ADAMTS17: variants seen among roughly 807,000 people sequenced by gnomAD.
ADAMTS17 encodes A disintegrin and metalloproteinase with thrombospondin motifs 17.
Under a neutral mutation model 141.5 loss-of-function variants are expected in ADAMTS17, and 113 were observed. That is an observed-to-expected ratio of 0.80 (90% CI 0.69 to 0.93). The LOEUF is 0.93. Among genes scored for constraint, ADAMTS17 ranks in the 40% least tolerant of loss-of-function variants. ADAMTS17 has a pLI of 0.00. For synonymous variants in ADAMTS17, 768 were observed against 630.6 expected (o/e 1.22, Z -3.27); for missense variants, 1,659 against 1,517.9 (o/e 1.09, Z -1.54).
intron 15 of ADAMTS17, among the ~76,000 whole-genome samples, chr15:100,079,660 C>A (rs765669098): frequency 3.9e-5 from 6 of 152,134 alleles, no homozygotes; most frequent in Non-Finnish European, 7.4e-5. Context: ...TTATATTGTA[C>A]CTTTTCCATC....
chr15:100,281,453 A>C, intron 3 of ADAMTS17, 52 bp from the exon 4 acceptor site: 1 of 1,577,408 alleles, frequency 6.3e-7, no homozygotes, highest in Non-Finnish European at 8.6e-7. Context: ...GACTTCCAAA[A>C]CCATGCAGTG....
At chr15:100,116,594 C>A (rs917046680) in intron 13 of ADAMTS17, among the ~76,000 whole-genome samples, 1 of 152,240 alleles carries the variant, frequency 6.6e-6, no homozygotes, top group South Asian at 2.1e-4. Flanking sequence ...CTCCTCGCTA[C>A]AAATGGGGTT....
At chr15:100,277,528 T>TA (rs1283897713) in intron 4 of ADAMTS17, among the ~76,000 whole-genome samples, 1 of 151,982 alleles carries the variant, frequency 6.6e-6, no homozygotes, top group African/African-American at 2.4e-5. Context: ...CCTGGATAAT[T>TA]AAAAAAAGAG....
intron 7 of ADAMTS17, among the ~76,000 whole-genome samples, chr15:100,220,371 C>CCT (rs35823097): frequency 0.22 from 33,411 of 152,032 alleles, 3,980 homozygotes; most frequent in South Asian, 0.35. Flanking sequence ...CACCTTTCTT[C>CCT]TTTCCCCCGA....
intron 8 of ADAMTS17, among the ~76,000 whole-genome samples, chr15:100,194,837 G>C (rs970751672): frequency 3.3e-5 from 5 of 152,154 alleles, no homozygotes; most frequent in Non-Finnish European, 7.3e-5. Context: ...CCATTCCATG[G>C]TTCCTGTCTT....
At chr15:100,238,620 G>C (rs1487353479) in intron 7 of ADAMTS17, among the ~76,000 whole-genome samples, 1 of 152,224 alleles carries the variant, frequency 6.6e-6, no homozygotes, top group Non-Finnish European at 1.5e-5. Context: ...AATGGGCACA[G>C]GTCTGGCAGA....
intron 20 of ADAMTS17, among the ~76,000 whole-genome samples, chr15:99,988,651 A>G (rs1596164990): frequency 6.6e-6 from 1 of 152,078 alleles, no homozygotes; most frequent in Non-Finnish European, 1.5e-5. Flanking sequence ...TGACTCCAAT[A>G]CCTCACTCTT....
chr15:100,197,920 AG>A (rs751687397), intron 8 of ADAMTS17, among the ~76,000 whole-genome samples: 7 of 152,228 alleles, frequency 4.6e-5, no homozygotes, highest in Non-Finnish European at 5.9e-5. Context: ...AAACTAACCC[AG>A]GAACAGAAAA....
chr15:100,074,211 T>C (rs987701666), intron 15 of ADAMTS17: 19 of 152,742 alleles, frequency 1.2e-4, no homozygotes, highest in African/African-American at 4.1e-4. Context: ...TCTAAATGCA[T>C]TGGTGAGCAC....
rs889232446 is a variant in ADAMTS17, at chr15:99,973,597, C to T, written c.*805G>A. On this transcript the variant is annotated 3_prime_UTR_variant, in exon 22 of 22. Transcript: ENST00000268070. ...CCTTTGCCTTAGGAAGCAACCCCATCACCGCAATTACCGTTTCTTATGTCA... is the reference window on the plus strand; with the variant it reads ...CCTTTGCCTTAGGAAGCAACCCCATTACCGCAATTACCGTTTCTTATGTCA... 3 of 152,520 alleles carry T rather than the reference C, an allele frequency of 2.0e-5. No individual in the cohort carries two copies. The highest frequency in any genetic ancestry group is 1.9e-4 in the East Asian group (1 of 5,182). The allele number at this position is 152,520 out of a possible 1,614,324, so 9.4% of individuals were successfully genotyped here. A position where few individuals can be genotyped will look rare whatever the true frequency, so the allele number is the denominator to read the frequency against.
chr15:100,198,933 AG>A (rs1275765134), intron 8 of ADAMTS17, among the ~76,000 whole-genome samples: 4 of 152,258 alleles, frequency 2.6e-5, no homozygotes, highest in African/African-American at 9.6e-5. Context: ...TAGAATTGGC[AG>A]AAAAAGACAT....
At chr15:100,175,831 G>A (rs113357994) in intron 8 of ADAMTS17, among the ~76,000 whole-genome samples, 23 of 151,692 alleles carry the variant, frequency 1.5e-4, no homozygotes, top group African/African-American at 5.1e-4. Flanking sequence ...AAGATTCCAC[G>A]TCTTTCCTCT....
chr15:100,017,002 C>G (rs374773195), intron 18 of ADAMTS17, among the ~76,000 whole-genome samples: 1 of 152,046 alleles, frequency 6.6e-6, no homozygotes, highest in Non-Finnish European at 1.5e-5. Context: ...CAGGGGTGGA[C>G]GCGTCTGAGC....
intron 3 of ADAMTS17, among the ~76,000 whole-genome samples, chr15:100,310,661 C>T (rs2045373538): frequency 6.6e-6 from 1 of 152,204 alleles, no homozygotes; most frequent in Non-Finnish European, 1.5e-5. Context: ...ATCCACACCA[C>T]CACCAAAGCC....
chr15:99,981,165 C>T (rs1366458811), intron 20 of ADAMTS17, among the ~76,000 whole-genome samples: 4 of 152,186 alleles, frequency 2.6e-5, no homozygotes, highest in African/African-American at 7.2e-5. Context: ...TAATCGGAAG[C>T]GGGAATCAAA....
At chr15:100,333,561 G>C (rs1170456510) in intron 2 of ADAMTS17, among the ~76,000 whole-genome samples, 1 of 152,214 alleles carries the variant, frequency 6.6e-6, no homozygotes, top group Admixed American at 6.5e-5. Flanking sequence ...TGGAGACCCT[G>C]GACACCTACT....
chr15:100,311,012 C>T (rs566049639), intron 3 of ADAMTS17, among the ~76,000 whole-genome samples: 1 of 152,234 alleles, frequency 6.6e-6, no homozygotes, highest in Non-Finnish European at 1.5e-5. Context: ...AGACTTTCTG[C>T]TAGGCTTTTC....
intron 14 of ADAMTS17, among the ~76,000 whole-genome samples, chr15:100,102,334 GACCGAAGGGGATCTACATTTGAGGGCCA>G (rs1381957052): frequency 0.043 from 6,245 of 144,304 alleles, 1,660 homozygotes; most frequent in African/African-American, 0.099. Flanking sequence ...TTTGAGGGCC[GACCGAAGGGGATCTACATTTGAGGGCCA>G]ACCGAAGGGG....
intron 3 of ADAMTS17, among the ~76,000 whole-genome samples, chr15:100,298,960 G>A (rs2044924813): frequency 6.6e-6 from 1 of 152,158 alleles, no homozygotes; most frequent in Non-Finnish European, 1.5e-5. Context: ...CTTGTTCCAG[G>A]CCTCTCTCCT....
Sources: gnomAD v4.1 joint callset for allele counts (sites outside exome capture counted in the v4.1 genomes callset) on GRCh38, gnomAD v4.1.1 for gene constraint, MANE v1.5 for transcripts, NCBI Gene and HGNC (gene_info 2026-07-23, HGNC 2026-07-21) for gene names.